Variants in PRKN observed in about 807,000 individuals in gnomAD.
PRKN encodes the protein E3 ubiquitin-protein ligase parkin.
PRKN carries 56 observed loss-of-function variants against 59.5 expected under a neutral mutation model. The observed-to-expected ratio is 0.94, with a 90% CI of 0.76 to 1.18. The LOEUF (loss-of-function observed/expected upper bound fraction) is 1.18. PRKN is among the 50% of genes most tolerant of loss of function. The pLI, the probability that PRKN is intolerant of heterozygous loss-of-function variation, is 0.00. For missense variants in PRKN, 657 were observed against 596.4 expected (o/e 1.10, Z -1.06); for synonymous variants, 250 against 222.1 (o/e 1.13, Z -1.12).
chr6:162,340,230 C>T (rs1784113107), intron 2 of PRKN, among the ~76,000 whole-genome samples: 2 of 151,836 alleles, frequency 1.3e-5, no homozygotes, highest in African/African-American at 4.8e-5. Flanking sequence ...TAATTCTATG[C>T]ATTTTGTCCC....
intron 3 of PRKN, among the ~76,000 whole-genome samples, chr6:162,210,775 C>T (rs934825151): frequency 6.6e-6 from 1 of 151,948 alleles, no homozygotes; most frequent in African/African-American, 2.4e-5. Context: ...AAATAATAAA[C>T]AATTACATGA....
At chr6:162,240,988 C>T (rs1323205957) in intron 3 of PRKN, among the ~76,000 whole-genome samples, 1 of 152,178 alleles carries the variant, frequency 6.6e-6, no homozygotes, top group African/African-American at 2.4e-5. Context: ...CTCTCCTAGG[C>T]ACTTTAGCCA....
chr6:162,305,413 T>C (rs988125540), intron 2 of PRKN, among the ~76,000 whole-genome samples: 1 of 152,140 alleles, frequency 6.6e-6, no homozygotes, highest in African/African-American at 2.4e-5. Context: ...CATTGCTTTT[T>C]TTTTAAAGTT....
intron 1 of PRKN, among the ~76,000 whole-genome samples, chr6:162,584,761 TTC>T (rs1484828834): frequency 7.1e-6 from 1 of 141,750 alleles, no homozygotes; most frequent in African/African-American, 2.9e-5. Flanking sequence ...TTTCTTTTCT[TTC>T]TCTTTTCTTT....
At chr6:161,719,245 T>A (rs946149886) in intron 7 of PRKN, among the ~76,000 whole-genome samples, 5 of 151,924 alleles carry the variant, frequency 3.3e-5, no homozygotes, top group African/African-American at 1.2e-4. Flanking sequence ...TAAGTATTTT[T>A]AAGTATTTCT....
intron 2 of PRKN, among the ~76,000 whole-genome samples, chr6:162,299,615 T>C (rs1035333299): frequency 1.3e-5 from 2 of 151,704 alleles, no homozygotes; most frequent in African/African-American, 4.8e-5. Flanking sequence ...ACATTATCAC[T>C]TCCCTTTATT....
At chr6:161,844,871 G>A (rs1351160412) in intron 6 of PRKN, among the ~76,000 whole-genome samples, 2 of 152,248 alleles carry the variant, frequency 1.3e-5, no homozygotes, top group Admixed American at 1.3e-4. Flanking sequence ...TATGTGTTCT[G>A]TGGAATATCT....
At chr6:162,696,629 A>C (rs1777980798) in intron 1 of PRKN, among the ~76,000 whole-genome samples, 1 of 147,468 alleles carries the variant, frequency 6.8e-6, no homozygotes, top group African/African-American at 2.5e-5. Flanking sequence ...CAGTGGTGCA[A>C]TCTTGGCTCA....
At chr6:162,679,527 T>C (rs1779690064) in intron 1 of PRKN, among the ~76,000 whole-genome samples, 1 of 152,186 alleles carries the variant, frequency 6.6e-6, no homozygotes, top group Non-Finnish European at 1.5e-5. Flanking sequence ...GTCATGAAGA[T>C]TGTCATTTGG....
chr6:162,119,081 C>T (rs959202123), intron 4 of PRKN, among the ~76,000 whole-genome samples: 2 of 152,188 alleles, frequency 1.3e-5, no homozygotes, highest in African/African-American at 2.4e-5. Flanking sequence ...TGAATTTCTA[C>T]TTCAGAATAG....
rs1789446413 is a variant in PRKN, at chr6:161,445,607, A to G, written c.1084-58730T>C. Among the ~76,000 whole-genome samples, 2 of 152,214 alleles carry G rather than the reference A, an allele frequency of 1.3e-5. No homozygotes were observed. Among genetic ancestry groups the G allele is most frequent in the Admixed American group, 1.3e-4 (2 of 15,282 alleles). On this transcript the variant is annotated intron_variant, in intron 9 of 11. Transcript: ENST00000366898. The surrounding 1 kb of genome is among the most constrained non-coding windows in gnomAD (Gnocchi z 7.7). The stretch of plus-strand genomic sequence containing the variant: ...GCAGCAGGAGAAAGAGGCCACCTGT[A>G]TCATCCACCCGTGCTGCAGCTGAAT...
intron 1 of PRKN, among the ~76,000 whole-genome samples, chr6:162,594,431 CT>C: frequency 6.6e-6 from 1 of 152,212 alleles, no homozygotes; most frequent in East Asian, 1.9e-4. Flanking sequence ...GAACAAGTTC[CT>C]TTTAAAAGTC....
intron 7 of PRKN, among the ~76,000 whole-genome samples, chr6:161,677,125 A>T (rs1785116287): frequency 6.6e-6 from 1 of 152,198 alleles, no homozygotes; most frequent in Admixed American, 6.5e-5. Context: ...AGGCATTTTC[A>T]CCTGGATAAA....
At chr6:161,702,564 T>C (rs776002428) in intron 7 of PRKN, among the ~76,000 whole-genome samples, 1 of 151,872 alleles carries the variant, frequency 6.6e-6, no homozygotes, top group Non-Finnish European at 1.5e-5. Context: ...GGGGAATTGG[T>C]GTCTAATGGG....
intron 7 of PRKN, among the ~76,000 whole-genome samples, chr6:161,728,442 C>G (rs765651943): frequency 6.6e-6 from 1 of 152,148 alleles, no homozygotes; most frequent in Non-Finnish European, 1.5e-5. Flanking sequence ...CAGACTCGCA[C>G]TGCACCTGCC....
intron 7 of PRKN, among the ~76,000 whole-genome samples, chr6:161,676,835 T>C (rs968129568): frequency 6.6e-6 from 1 of 152,088 alleles, no homozygotes. Flanking sequence ...AAGCAGGGAA[T>C]AACATTCTGA....
intron 2 of PRKN, among the ~76,000 whole-genome samples, chr6:162,369,045 C>G (rs1785608080): frequency 6.6e-6 from 1 of 152,132 alleles, no homozygotes. Context: ...TGCCCATTTC[C>G]TTCGTTTTCA....
Position 161,894,156 on chromosome 6 carries a change from C to T in PRKN, c.734+79146G>A, listed in dbSNP as rs550678984. On this transcript the variant is annotated intron_variant, in intron 6 of 11. Coordinates refer to ENST00000366898, the MANE Select transcript of PRKN (RefSeq NM_004562.3). Reference sequence around the variant, plus strand: ...CACTACTCTCTCTTCATTAGCTCCACTACCCACCTGCCAACCCCTTCGACC... The same window carrying T: ...CACTACTCTCTCTTCATTAGCTCCATTACCCACCTGCCAACCCCTTCGACC... 6.9e-4 allele frequency among the ~76,000 whole-genome samples: 105 copies of T among 152,302 alleles called. 1 individual carries two copies. Among genetic ancestry groups the T allele is most frequent in the Admixed American group, 1.7e-3 (26 of 15,296 alleles).
intron 2 of PRKN, among the ~76,000 whole-genome samples, chr6:162,288,234 G>C (rs919871233): frequency 6.6e-6 from 1 of 152,116 alleles, no homozygotes; most frequent in Non-Finnish European, 1.5e-5. Context: ...TAGCCAACAA[G>C]AGGAAAAACA....
Sources: allele counts gnomAD v4.1 joint callset (sites outside exome capture counted in the v4.1 genomes callset), GRCh38; gene constraint gnomAD v4.1.1; non-coding constraint Gnocchi (gnomAD v3.1); transcripts MANE v1.5; gene names NCBI Gene and HGNC (gene_info 2026-07-23, HGNC 2026-07-21).